THRB: variants seen among roughly 807,000 people sequenced by gnomAD.
THRB encodes the protein thyroid hormone receptor beta.
Under a neutral mutation model 47.8 loss-of-function variants are expected in THRB, and 12 were observed. The observed-to-expected ratio is 0.25, with a 90% confidence interval of 0.16 to 0.41. The LOEUF is 0.41. THRB is among the 10% of genes least tolerant of loss of function. The pLI is 1.00. For missense variants in THRB, 348 were observed against 589.2 expected (o/e 0.59, Z 4.24); for synonymous variants, 218 against 212.2 (o/e 1.03, Z -0.24).
intron 5 of THRB, 133 bp downstream of exon 5, chr3:24,189,941 G>A: frequency 2.3e-6 from 2 of 864,776 alleles, no homozygotes; most frequent in South Asian, 3.1e-5. Context: ...AGGACGCCTA[G>A]TAAAAGAACA....
intron 3 of THRB, among the ~76,000 whole-genome samples, chr3:24,293,668 T>G (rs1252678335): frequency 1.3e-5 from 2 of 152,208 alleles, no homozygotes; most frequent in Non-Finnish European, 2.9e-5. Context: ...TTCATTCAAA[T>G]GGAATTTGGG....
At chr3:24,466,924 G>T (rs889106602) in intron 1 of THRB, among the ~76,000 whole-genome samples, 2 of 152,160 alleles carry the variant, frequency 1.3e-5, no homozygotes, top group African/African-American at 2.4e-5. Context: ...AATGAAGTTT[G>T]CTGCATCAAT....
chr3:24,416,757 G>A (rs1482755655), intron 1 of THRB, among the ~76,000 whole-genome samples: 1 of 151,786 alleles, frequency 6.6e-6, no homozygotes, highest in East Asian at 2.0e-4. Flanking sequence ...ACTTTGGGCT[G>A]CTAAAAATGC....
chr3:24,299,610 T>G (rs2074435962), intron 2 of THRB, among the ~76,000 whole-genome samples: 1 of 151,808 alleles, frequency 6.6e-6, no homozygotes, highest in African/African-American at 2.4e-5. Context: ...TCCCCCACAA[T>G]TTTTTAAAAC....
chr3:24,418,558 C>A (rs968220127), intron 1 of THRB, among the ~76,000 whole-genome samples: 8 of 151,898 alleles, frequency 5.3e-5, no homozygotes, highest in Admixed American at 1.3e-4. Flanking sequence ...CTTACCCAGT[C>A]TTATAAAGCA....
In THRB at chr3:24,284,018, C is replaced by T. The variant is rs1450775337; in HGVS notation, c.-43+13208G>A. Among the ~76,000 whole-genome samples the T allele has an allele frequency of 1.7e-3, 217 of 128,566 alleles. 2 individuals are homozygous for T. The highest frequency in any genetic ancestry group is 3.5e-3 in the East Asian group (14 of 3,962). The allele number at this position is 128,566 out of a possible 152,430, so 84.3% of individuals were successfully genotyped here. A position where few individuals can be genotyped will look rare whatever the true frequency, so the allele number is the denominator to read the frequency against. On this transcript the variant is annotated intron_variant, in intron 3 of 10. Coordinates refer to ENST00000646209, the MANE Select transcript of THRB (RefSeq NM_001354712.2). ...TGGCCATACTGCCCAAGGTAATTTA[C>T]AGATTCAATGCCATCCCCACCAAGC...
intron 4 of THRB, among the ~76,000 whole-genome samples, chr3:24,196,390 G>C (rs945411076): frequency 6.6e-6 from 1 of 152,090 alleles, no homozygotes; most frequent in African/African-American, 2.4e-5. Flanking sequence ...TTAGAGATGT[G>C]GGTTTTCTGT....
At chr3:24,168,699 T>A (rs2040008547) in intron 5 of THRB, among the ~76,000 whole-genome samples, 1 of 151,744 alleles carries the variant, frequency 6.6e-6, no homozygotes, top group Non-Finnish European at 1.5e-5. Context: ...TAACTCCTTT[T>A]TCTTCATTTG....
intron 2 of THRB, among the ~76,000 whole-genome samples, chr3:24,316,125 A>C (rs191130530): frequency 9.2e-5 from 14 of 152,294 alleles, no homozygotes; most frequent in African/African-American, 3.4e-4. Context: ...AGCTGTCTGC[A>C]TGCCAAGGCA....
intron 1 of THRB, among the ~76,000 whole-genome samples, chr3:24,346,586 C>T (rs1490554105): frequency 6.6e-6 from 1 of 151,710 alleles, no homozygotes; most frequent in African/African-American, 2.4e-5. Context: ...GATATTAGGA[C>T]ACACAATTTC....
intron 1 of THRB, among the ~76,000 whole-genome samples, chr3:24,381,626 A>G (rs1488831124): frequency 2.0e-5 from 3 of 152,168 alleles, no homozygotes; most frequent in African/African-American, 7.2e-5. Flanking sequence ...CACTGGTAAG[A>G]CTGAAATATG....
chr3:24,349,875 G>A (rs1015768503), intron 1 of THRB, among the ~76,000 whole-genome samples: 1 of 151,968 alleles, frequency 6.6e-6, no homozygotes, highest in Non-Finnish European at 1.5e-5. Context: ...GGTAATAAAG[G>A]AAAAGGTAAG....
chr3:24,431,975 A>G (rs1189444991), intron 1 of THRB, among the ~76,000 whole-genome samples: 6 of 152,130 alleles, frequency 3.9e-5, no homozygotes, highest in African/African-American at 1.4e-4. Flanking sequence ...ATATACGCAC[A>G]TATGTAGTAC....
chr3:24,160,880 G>A (rs1340432702), intron 5 of THRB, among the ~76,000 whole-genome samples: 2 of 152,216 alleles, frequency 1.3e-5, no homozygotes, highest in Non-Finnish European at 2.9e-5. Context: ...CTGTAAGCCT[G>A]CCAGGCGTCT....
At chr3:24,490,543 C>T (rs1047501009) in intron 1 of THRB, among the ~76,000 whole-genome samples, 2 of 152,176 alleles carry the variant, frequency 1.3e-5, no homozygotes, top group Admixed American at 6.5e-5. Context: ...ACCCACACAT[C>T]GTGCCTCATC....
At chr3:24,478,715 C>T (rs974326106) in intron 1 of THRB, among the ~76,000 whole-genome samples, 1 of 152,016 alleles carries the variant, frequency 6.6e-6, no homozygotes, top group African/African-American at 2.4e-5. Flanking sequence ...CAGAATCAAC[C>T]GGAGAAAATG....
intron 1 of THRB, among the ~76,000 whole-genome samples, chr3:24,381,776 G>T (rs931004522): frequency 3.9e-5 from 6 of 151,904 alleles, no homozygotes; most frequent in Admixed American, 3.3e-4. Flanking sequence ...CAAAAGAAAA[G>T]TCCTGGTGCT....
At position 24,127,461 on chromosome 3, in the gene THRB, C is replaced by T. The variant is rs558966424; in HGVS notation, c.1144+38G>A. On this transcript the variant is annotated intron_variant, in intron 10 of 10. Coordinates refer to ENST00000646209, the MANE Select transcript of THRB (RefSeq NM_001354712.2). ...GGAATTAGCGCTAGACAAGCAAAAG[C>T]TCTTTGGATGCCCACTAACGAGTCT... 6.3e-5 allele frequency: 101 copies of T among 1,613,358 alleles called. 2 individuals are homozygous for T. The South Asian group carries it at 1.1e-3, about 17-fold the overall frequency.
intron 3 of THRB, among the ~76,000 whole-genome samples, chr3:24,268,621 T>C (rs1009901390): frequency 1.3e-5 from 2 of 152,166 alleles, no homozygotes; most frequent in Non-Finnish European, 1.5e-5. Flanking sequence ...GCATTTATAA[T>C]GTGATCCTAT....
Sources: allele counts gnomAD v4.1 joint callset (sites outside exome capture counted in the v4.1 genomes callset), GRCh38; gene constraint gnomAD v4.1.1; transcripts MANE v1.5; gene names NCBI Gene and HGNC (gene_info 2026-07-23, HGNC 2026-07-21).